GNG12: variants seen among roughly 807,000 people sequenced by gnomAD.
GNG12 encodes guanine nucleotide-binding protein G(I)/G(S)/G(O) subunit gamma-12.
For missense variants in GNG12, 69 were observed against 83.8 expected (o/e 0.82, Z 0.69); for synonymous variants, 28 against 29.7 (o/e 0.94, Z 0.19).
chr1:67,740,758 C>A (rs1646478836), intron 2 of GNG12, among the ~76,000 whole-genome samples: 1 of 152,132 alleles, frequency 6.6e-6, no homozygotes, highest in African/African-American at 2.4e-5. Context: ...TTCAAGGGAG[C>A]TAATTGGCCA....
chr1:67,787,692 A>G (rs533312457), intron 1 of GNG12, among the ~76,000 whole-genome samples: 2 of 152,146 alleles, frequency 1.3e-5, no homozygotes, highest in Non-Finnish European at 2.9e-5. Flanking sequence ...CACAGGAAAA[A>G]CCAATAGCCA....
intron 2 of GNG12, among the ~76,000 whole-genome samples, chr1:67,710,458 G>T (rs1351723673): frequency 1.3e-5 from 2 of 151,358 alleles, no homozygotes; most frequent in Non-Finnish European, 2.9e-5. Flanking sequence ...AGTTTCCAAG[G>T]CCTGAGCAAG....
chr1:67,779,096 C>A (rs1646722860), intron 1 of GNG12, among the ~76,000 whole-genome samples: 1 of 152,160 alleles, frequency 6.6e-6, no homozygotes, highest in Non-Finnish European at 1.5e-5. Flanking sequence ...GGGCCTAATG[C>A]TTTCATCAGA....
intron 2 of GNG12, among the ~76,000 whole-genome samples, chr1:67,751,709 G>A (rs767356904): frequency 1.3e-5 from 2 of 152,232 alleles, no homozygotes; most frequent in African/African-American, 2.4e-5. Context: ...AGAAATCTAA[G>A]TGATTTTCCA....
chr1:67,782,230 T>C (rs146790495), intron 1 of GNG12, among the ~76,000 whole-genome samples: 49 of 152,320 alleles, frequency 3.2e-4, no homozygotes, highest in African/African-American at 1.1e-3. Flanking sequence ...TTTAAGTCTA[T>C]CCTACAAATT....
intron 2 of GNG12, among the ~76,000 whole-genome samples, chr1:67,747,346 CT>C (rs1156592422): frequency 1.3e-5 from 2 of 152,164 alleles, no homozygotes; most frequent in African/African-American, 2.4e-5. Context: ...TCTCGAACTC[CT>C]GACCTCAAGT....
intron 2 of GNG12, among the ~76,000 whole-genome samples, chr1:67,730,371 C>T (rs1366337849): frequency 1.3e-5 from 2 of 152,096 alleles, no homozygotes; most frequent in African/African-American, 4.8e-5. Flanking sequence ...CATGGTGGTG[C>T]ACATCTGTAG....
chr1:67,774,957 G>A (rs1646696394), intron 2 of GNG12, among the ~76,000 whole-genome samples: 2 of 152,116 alleles, frequency 1.3e-5, no homozygotes, highest in South Asian at 2.1e-4. Flanking sequence ...TCTATGTAAG[G>A]TAGCACAGTA....
At chr1:67,773,218 G>A (rs1349936569) in intron 2 of GNG12, among the ~76,000 whole-genome samples, 1 of 152,168 alleles carries the variant, frequency 6.6e-6, no homozygotes, top group Non-Finnish European at 1.5e-5. Flanking sequence ...CAACGATCCT[G>A]AATGAATTAA....
intron 1 of GNG12, among the ~76,000 whole-genome samples, chr1:67,797,254 C>A (rs754704793): frequency 6.6e-6 from 1 of 152,140 alleles, no homozygotes; most frequent in Non-Finnish European, 1.5e-5. Context: ...AAAACACAGA[C>A]AATCATGCTC....
intron 1 of GNG12, among the ~76,000 whole-genome samples, chr1:67,821,338 C>T (rs1379937061): frequency 1.3e-5 from 2 of 150,774 alleles, no homozygotes; most frequent in Non-Finnish European, 3.0e-5. Context: ...AAAACAAAAA[C>T]AAAAAAAAAC....
chr1:67,751,397 A>T (rs1338163037), intron 2 of GNG12, among the ~76,000 whole-genome samples: 2 of 152,186 alleles, frequency 1.3e-5, no homozygotes, highest in Non-Finnish European at 2.9e-5. Context: ...TGGGAATAAT[A>T]TAGTATCTGA....
At chr1:67,707,300 C>T (rs1173819708) in intron 3 of GNG12, among the ~76,000 whole-genome samples, 2 of 152,200 alleles carry the variant, frequency 1.3e-5, no homozygotes, top group Non-Finnish European at 2.9e-5. Flanking sequence ...ACCCCTGTCC[C>T]ACTTTAGAAC....
At chr1:67,753,498 T>C (rs1197916050) in intron 2 of GNG12, among the ~76,000 whole-genome samples, 1 of 152,148 alleles carries the variant, frequency 6.6e-6, no homozygotes, top group Admixed American at 6.5e-5. Context: ...GAAATTTACT[T>C]CATAAAGTAA....
chr1:67,827,662 T>C (rs558355052), intron 1 of GNG12, among the ~76,000 whole-genome samples: 353 of 150,176 alleles, frequency 2.4e-3, no homozygotes, highest in Non-Finnish European at 3.1e-3. Context: ...CCTGACCTTG[T>C]GATCCACCCG....
At chr1:67,784,076 ACAAT>A (rs1261373977) in intron 1 of GNG12, among the ~76,000 whole-genome samples, 99 of 151,242 alleles carry the variant, frequency 6.5e-4, no homozygotes, top group African/African-American at 2.2e-3. Flanking sequence ...CAAATGTCCA[ACAAT>A]GATAGACTGG....
intron 2 of GNG12, among the ~76,000 whole-genome samples, chr1:67,763,885 G>T (rs998437351): frequency 2.0e-5 from 3 of 151,996 alleles, no homozygotes; most frequent in Admixed American, 6.6e-5. Context: ...CTGTCAATTT[G>T]CAGTCTAACA....
chr1:67,776,181 G>A (rs17130264), intron 2 of GNG12, among the ~76,000 whole-genome samples: 2,465 of 152,244 alleles, frequency 0.016, 78 homozygotes, highest in African/African-American at 0.056. Flanking sequence ...AACTGACTGA[G>A]ATGCCAGACG....
At chr1:67,829,581 G>A (rs1647031502) in intron 1 of GNG12, among the ~76,000 whole-genome samples, 1 of 152,120 alleles carries the variant, frequency 6.6e-6, no homozygotes, top group African/African-American at 2.4e-5. Context: ...TATTGAATGT[G>A]GACTATGCAC....
Sources: gnomAD v4.1 joint callset for allele counts (sites outside exome capture counted in the v4.1 genomes callset) on GRCh38, gnomAD v4.1.1 for gene constraint, MANE v1.5 for transcripts, NCBI Gene and HGNC (gene_info 2026-07-23, HGNC 2026-07-21) for gene names.